Variants in HMGB3 observed in about 807,000 individuals in gnomAD.
HMGB3 encodes the protein high mobility group box 3.
Under a neutral mutation model 12.9 loss-of-function variants are expected in HMGB3, and 1 was observed. The ratio of observed to expected loss-of-function variants is 0.08; its 90% CI spans 0.03 to 0.37. The LOEUF (loss-of-function observed/expected upper bound fraction) is 0.37. HMGB3 is among the 10% of genes least tolerant of loss of function. The pLI is 0.99. For synonymous variants in HMGB3, 61 were observed against 53.9 expected, an observed-to-expected ratio of 1.13 and a Z score of -0.57; for missense variants, 74 against 153.3, an observed-to-expected ratio of 0.48 and a Z score of 2.73.
chrX:150,986,128 G>A lies in HMGB3; in HGVS notation c.228G>A (p.Lys76=). Residue 76 remains lysine (K), a synonymous_variant, in exon 3 of 5, where the codon AAG becomes AAA. Transcript: ENST00000325307. The part of the protein sequence containing the change: ...ADKVRYDREM[K]DYGPAKGGKK... ...AAGTGCGCTATGATCGGGAAATGAA[G>A]GATTATGGACCAGCTAAGGGAGGCA... is the stretch of plus-strand genomic sequence containing the variant. 3.3e-6 allele frequency: 4 copies of A among 1,205,926 alleles called. No homozygotes were observed. The highest frequency in any genetic ancestry group is 4.5e-6 in the Non-Finnish European group (4 of 891,796).
chrX:150,985,821 T>C, intron 2 of HMGB3, 72 bp downstream of exon 2: 2 of 970,141 alleles, frequency 2.1e-6, no homozygotes, highest in Non-Finnish European at 2.9e-6. Context: ...ACCTTCAGAT[T>C]TTCTCCCAGA....
intron 1 of HMGB3, among the ~76,000 whole-genome samples, chrX:150,984,291 C>T (rs2048025000): frequency 1.1e-5 from 1 of 90,591 alleles, no homozygotes; most frequent in South Asian, 5.6e-4. Context: ...GCGGGGAGGT[C>T]CGGCCCGGGC....
intron 1 of HMGB3, chrX:150,984,608 C>T (rs1399132299): frequency 4.1e-6 from 3 of 740,329 alleles, no homozygotes; most frequent in African/African-American, 4.7e-5. Flanking sequence ...CATCAGGAGG[C>T]TTTTGACAAA....
Position 150,988,801 on chromosome X carries a change from TCA to T in HMGB3, c.*890_*891del, listed in dbSNP as rs1325622502. The T allele has an allele frequency of 1.8e-5, 2 of 112,501 alleles. No individual in the cohort carries two copies. Among genetic ancestry groups the T allele is most frequent in the East Asian group, 5.6e-4 (2 of 3,556 alleles). 9.3% of individuals were successfully genotyped at this position (112,501 alleles called of 1,213,427 possible). A position where few individuals can be genotyped will look rare whatever the true frequency, so the allele number is the denominator to read the frequency against. On this transcript the variant is annotated 3_prime_UTR_variant, in exon 5 of 5. Coordinates refer to ENST00000325307, the MANE Select transcript of HMGB3 (RefSeq NM_005342.4). ...TCTATTATAACAGTCAATTTCTGACTCACAGCAGTGAACAAACCCCCACTCCA... is the reference window on the plus strand; with the variant it reads ...TCTATTATAACAGTCAATTTCTGACTCAGCAGTGAACAAACCCCCACTCCA...
At chrX:150,987,490 C>T (rs560138270) in intron 4 of HMGB3, among the ~76,000 whole-genome samples, 188 bp downstream of exon 4, 1 of 110,970 alleles carries the variant, frequency 9.0e-6, no homozygotes, top group South Asian at 3.9e-4. Context: ...TTGGGGACAA[C>T]TTCAGGCTTG....
upstream of HMGB3, among the ~76,000 whole-genome samples, chrX:150,982,790 C>G (rs1275264053): frequency 8.8e-6 from 1 of 113,159 alleles, no homozygotes; most frequent in African/African-American, 3.2e-5. Context: ...CAAGCAGCTG[C>G]CCTCCGCCAG....
chrX:150,988,203 G>C lies in HMGB3; in HGVS notation c.*289G>C, dbSNP rs1603340030. On this transcript the variant is annotated 3_prime_UTR_variant, in exon 5 of 5. Coordinates refer to ENST00000325307, the MANE Select transcript of HMGB3 (RefSeq NM_005342.4). Reference sequence around the variant, plus strand: ...TCCTCACTCTGTGCACTTTGCTGTTGGTGTGACAAGGCATTTAAAGATGTT... The same window carrying C: ...TCCTCACTCTGTGCACTTTGCTGTTCGTGTGACAAGGCATTTAAAGATGTT... The C allele has an allele frequency of 3.2e-5, 7 of 220,344 alleles. No homozygotes were observed. In the East Asian group the frequency reaches 5.4e-4, roughly 17 times the overall value. The allele number at this position is 220,344 out of a possible 1,213,427, so 18.2% of individuals were successfully genotyped here.
At chrX:150,985,851 T>G (rs1205659872) in intron 2 of HMGB3, 102 bp downstream of exon 2, 16 of 857,801 alleles carry the variant, frequency 1.9e-5, no homozygotes, top group Non-Finnish European at 2.6e-5. Context: ...GCTTCCTCTT[T>G]TACTTTTACT....
rs1291367089 is a variant in HMGB3, at chrX:150,989,993, C to T, written c.*2079C>T. 2.7e-5 allele frequency: 3 copies of T among 111,720 alleles called. No homozygotes were observed. The highest frequency in any genetic ancestry group is 3.8e-5 in the Non-Finnish European group (2 of 53,215). 9.2% of individuals were successfully genotyped at this position (111,720 alleles called of 1,213,427 possible). ...AAAATGACCACTAATTTAAAAAACT[C>T]GGTTGTGAGGTTTGCCCAGAGGCAC... On this transcript the variant is annotated 3_prime_UTR_variant, in exon 5 of 5. Coordinates refer to ENST00000325307, the MANE Select transcript of HMGB3 (RefSeq NM_005342.4).
upstream of HMGB3, among the ~76,000 whole-genome samples, chrX:150,981,113 G>T (rs1264766679): frequency 2.7e-5 from 3 of 110,380 alleles, no homozygotes; most frequent in Non-Finnish European, 5.7e-5. Flanking sequence ...AGAGGGAGTG[G>T]CTTGGGCAGG....
intron 1 of HMGB3, among the ~76,000 whole-genome samples, chrX:150,984,054 C>CGCCGCCGCT (rs1196908027): frequency 2.0e-5 from 2 of 101,227 alleles, no homozygotes; most frequent in Non-Finnish European, 4.1e-5. Flanking sequence ...CCGGCGCCGC[C>CGCCGCCGCT]GCCGCCGCTA....
intron 1 of HMGB3, chrX:150,984,537 C>G (rs2048030879): frequency 1.5e-6 from 1 of 676,086 alleles, no homozygotes; most frequent in Non-Finnish European, 1.8e-6. Context: ...CCACCGCCGC[C>G]GCCCCCGGCC....
chrX:150,982,175 G>T (rs2047996534), upstream of HMGB3, among the ~76,000 whole-genome samples: 1 of 111,806 alleles, frequency 8.9e-6, no homozygotes, highest in Non-Finnish European at 1.9e-5. Context: ...ACTTGCATTT[G>T]AAGTGGAGTA....
chrX:150,984,637 G>A, intron 1 of HMGB3: 3 of 699,183 alleles, frequency 4.3e-6, no homozygotes, highest in Non-Finnish European at 3.4e-6. Context: ...TGAATTACGG[G>A]TGTCCCGGTG....
At chrX:150,984,372 G>T (rs1459854949) in intron 1 of HMGB3, among the ~76,000 whole-genome samples, 2 of 99,095 alleles carry the variant, frequency 2.0e-5, no homozygotes, top group Non-Finnish European at 4.2e-5. Context: ...GGCGGCGGCG[G>T]CGGGGCCCGG....
chrX:150,984,603 G>A, intron 1 of HMGB3: 11 of 745,295 alleles, frequency 1.5e-5, no homozygotes, highest in Non-Finnish European at 1.7e-5. Context: ...TCTTTCATCA[G>A]GAGGCTTTTG....
intron 1 of HMGB3, 47 bp downstream of exon 1, chrX:150,983,423 C>T (rs2048009099): frequency 3.0e-6 from 2 of 660,629 alleles, no homozygotes; most frequent in African/African-American, 2.6e-5. Context: ...GCCGCCGCCG[C>T]CGCCGCCGCC....
chrX:150,983,756 G>A (rs1306259182), intron 1 of HMGB3, among the ~76,000 whole-genome samples: 82 of 107,922 alleles, frequency 7.6e-4, no homozygotes, highest in Non-Finnish European at 1.4e-3. Context: ...GCGAGCAGAG[G>A]GGCGGCTGCG....
intron 3 of HMGB3, among the ~76,000 whole-genome samples, chrX:150,986,556 C>T (rs992898930): frequency 3.0e-5 from 3 of 99,432 alleles, no homozygotes; most frequent in African/African-American, 7.2e-5. Flanking sequence ...CGTATATATA[C>T]GCATATGTAT....
Sources: gnomAD v4.1 joint callset for allele counts (sites outside exome capture counted in the v4.1 genomes callset) on GRCh38, gnomAD v4.1.1 for gene constraint, MANE v1.5 for transcripts, NCBI Gene and HGNC (gene_info 2026-07-23, HGNC 2026-07-21) for gene names.